The following TRPM3 variants were observed in gnomAD, a reference collection of about 807,000 sequenced individuals.
TRPM3 encodes the protein transient receptor potential cation channel subfamily M member 3, also known as long transient receptor potential channel 3.
In TRPM3, 77 loss-of-function variants were observed where a neutral mutation model predicts 181.2. The ratio of observed to expected loss-of-function variants is 0.42; its 90% CI spans 0.35 to 0.51. The LOEUF is 0.51. Among genes scored for constraint, TRPM3 ranks in the 20% least tolerant of loss-of-function variants. The probability of loss-of-function intolerance (pLI) is 0.01; values close to 1 mark genes in which losing one functional copy is unlikely to be tolerated. For missense variants in TRPM3, 1,759 were observed against 2,196.7 expected, an observed-to-expected ratio of 0.80 and a Z score of 3.98; for synonymous variants, 745 against 796.4, an observed-to-expected ratio of 0.94 and a Z score of 1.09.
intron 1 of TRPM3, among the ~76,000 whole-genome samples, chr9:71,390,289 A>G (rs2093032247): frequency 1.3e-5 from 2 of 152,066 alleles, no homozygotes; most frequent in African/African-American, 2.4e-5. Context: ...TGAATTTACT[A>G]TGTTTTTTAT....
At chr9:70,674,924 C>G (rs539170260) in intron 9 of TRPM3, among the ~76,000 whole-genome samples, 43 of 151,404 alleles carry the variant, frequency 2.8e-4, no homozygotes, top group African/African-American at 9.9e-4. Flanking sequence ...CTTTTTTCCC[C>G]TAAAGATACA....
intron 1 of TRPM3, among the ~76,000 whole-genome samples, chr9:71,324,776 C>T (rs2089532092): frequency 6.6e-6 from 1 of 151,846 alleles, no homozygotes; most frequent in Non-Finnish European, 1.5e-5. Context: ...CAATAGTATA[C>T]CGCTCGGCCA....
intron 1 of TRPM3, among the ~76,000 whole-genome samples, chr9:71,219,267 A>C (rs1321318081): frequency 6.6e-6 from 1 of 152,120 alleles, no homozygotes; most frequent in Non-Finnish European, 1.5e-5. Flanking sequence ...ACTTTCTAAA[A>C]ATTTTAGTAC....
intron 1 of TRPM3, among the ~76,000 whole-genome samples, chr9:71,138,911 G>A (rs2074935415): frequency 1.3e-5 from 2 of 151,950 alleles, no homozygotes; most frequent in East Asian, 3.9e-4. Context: ...GAACACTACT[G>A]CTCAGGGCCA....
rs564041969 is a variant in TRPM3, at chr9:71,104,360, A to G, written c.177+16818T>C. On this transcript the variant is annotated intron_variant, in intron 1 of 25. Transcript: ENST00000677713. ...TTTAGACTGATTTTCCTTAAAACCC[A>G]TGAGCTAATTTGCTTTTATTTACAA... Among the ~76,000 whole-genome samples the G allele has an allele frequency of 6.6e-5, 10 of 152,340 alleles. No homozygotes were observed. The South Asian group carries it at 2.1e-3, about 32-fold the overall frequency.
At chr9:71,293,008 T>C (rs184791546) in intron 1 of TRPM3, among the ~76,000 whole-genome samples, 8 of 152,038 alleles carry the variant, frequency 5.3e-5, no homozygotes, top group Admixed American at 2.0e-4. Context: ...AATCCAGAAA[T>C]GTAAGTCAAC....
At chr9:70,985,028 A>G (rs1250156342) in intron 1 of TRPM3, among the ~76,000 whole-genome samples, 3 of 152,254 alleles carry the variant, frequency 2.0e-5, no homozygotes. Flanking sequence ...AATAACCAGC[A>G]GATGATATGG....
chr9:71,231,661 A>G (rs949720122), intron 1 of TRPM3, among the ~76,000 whole-genome samples: 2 of 152,194 alleles, frequency 1.3e-5, no homozygotes, highest in African/African-American at 4.8e-5. Flanking sequence ...CCATTATCCT[A>G]AGTAAATTAA....
chr9:70,853,759 C>T (rs922646742), intron 3 of TRPM3, among the ~76,000 whole-genome samples: 1 of 151,892 alleles, frequency 6.6e-6, no homozygotes, highest in Non-Finnish European at 1.5e-5. Flanking sequence ...TGGATGTTGC[C>T]CGTTATTTGT....
intron 8 of TRPM3, among the ~76,000 whole-genome samples, chr9:70,742,821 G>A (rs1289806497): frequency 6.6e-6 from 1 of 152,120 alleles, no homozygotes; most frequent in Non-Finnish European, 1.5e-5. Context: ...GGCTTTATCA[G>A]TTGTAGTCAT....
chr9:71,198,209 C>T (rs953815400), intron 1 of TRPM3, among the ~76,000 whole-genome samples: 2 of 152,040 alleles, frequency 1.3e-5, no homozygotes, highest in Non-Finnish European at 2.9e-5. Context: ...TCTGAGGGCT[C>T]TGTTCTGTTC....
chr9:71,028,210 A>G (rs2056825781), intron 1 of TRPM3, among the ~76,000 whole-genome samples: 2 of 152,190 alleles, frequency 1.3e-5, no homozygotes, highest in African/African-American at 4.8e-5. Context: ...ATATTCTACC[A>G]AAGTAAGCTT....
At chr9:70,656,923 A>G (rs1172787083) in intron 9 of TRPM3, among the ~76,000 whole-genome samples, 1 of 123,222 alleles carries the variant, frequency 8.1e-6, no homozygotes, top group Non-Finnish European at 1.7e-5. Context: ...GTTATAAAAA[A>G]AAGTGTTTTT....
intron 1 of TRPM3, among the ~76,000 whole-genome samples, chr9:71,266,149 T>C (rs2083379552): frequency 6.6e-6 from 1 of 152,186 alleles, no homozygotes; most frequent in South Asian, 2.1e-4. Context: ...TTTCATATTG[T>C]AGCTCCCCAC....
chr9:70,925,759 T>C (rs184247282), intron 1 of TRPM3, among the ~76,000 whole-genome samples: 93 of 152,124 alleles, frequency 6.1e-4, no homozygotes, highest in African/African-American at 2.2e-3. Context: ...AATATCTCCT[T>C]TCAGCCAGCG....
At chr9:70,645,316 A>G (rs1223222956) in intron 9 of TRPM3, among the ~76,000 whole-genome samples, 2 of 152,186 alleles carry the variant, frequency 1.3e-5, no homozygotes, top group African/African-American at 4.8e-5. Context: ...CTATACTACA[A>G]GGCTACAGTA....
At chr9:71,006,636 G>A (rs528059402) in intron 1 of TRPM3, among the ~76,000 whole-genome samples, 12 of 152,032 alleles carry the variant, frequency 7.9e-5, no homozygotes, top group Non-Finnish European at 1.5e-4. Context: ...TTGGGAGGCC[G>A]AGGTGGGTGG....
chr9:71,232,134 T>C (rs1189880591), intron 1 of TRPM3, among the ~76,000 whole-genome samples: 2 of 152,128 alleles, frequency 1.3e-5, no homozygotes, highest in Non-Finnish European at 2.9e-5. Context: ...TTTATGAAGA[T>C]GTTGATATCA....
chr9:71,017,815 A>G (rs902444030), intron 1 of TRPM3, among the ~76,000 whole-genome samples: 1 of 152,040 alleles, frequency 6.6e-6, no homozygotes, highest in Non-Finnish European at 1.5e-5. Context: ...AACATAAAAA[A>G]TAAGCAACAG....
Sources: allele counts gnomAD v4.1 joint callset (sites outside exome capture counted in the v4.1 genomes callset), GRCh38; gene constraint gnomAD v4.1.1; transcripts MANE v1.5; gene names NCBI Gene and HGNC (gene_info 2026-07-23, HGNC 2026-07-21).